Variants in NBAS observed in about 807,000 individuals in gnomAD.
NBAS encodes the protein NBAS subunit of NRZ tethering complex, also known as NAG/BC035112 fusion.
A neutral mutation model predicts 302.5 loss-of-function variants in NBAS; 219 were observed. The ratio of observed to expected loss-of-function variants is 0.72; its 90% CI spans 0.65 to 0.81. The LOEUF is 0.81. NBAS is among the 30% of genes least tolerant of loss of function. The pLI, the probability that NBAS is intolerant of heterozygous loss-of-function variation, is 0.00. For synonymous variants in NBAS, 1,118 were observed against 1,021.6 expected (o/e 1.09, Z -1.80); for missense variants, 2,932 against 2,841.6 (o/e 1.03, Z -0.72).
intron 44 of NBAS, among the ~76,000 whole-genome samples, chr2:15,247,742 A>C (rs1668168714): frequency 6.6e-6 from 1 of 151,252 alleles, no homozygotes; most frequent in Admixed American, 6.6e-5. Context: ...ATAGATCTAT[A>C]TATATTTATA....
chr2:15,374,589 C>A lies in NBAS; in HGVS notation c.3703+19G>T. 1 of 1,583,086 alleles carries A rather than the reference C, an allele frequency of 6.3e-7. No individual in the cohort carries two copies. The highest frequency in any genetic ancestry group is 8.7e-7 in the Non-Finnish European group (1 of 1,152,014). On this transcript the variant is annotated intron_variant, in intron 31 of 51. Coordinates refer to ENST00000281513, the MANE Select transcript of NBAS (RefSeq NM_015909.4). ...GCAATATAAGTTAGTAACAATGCAA[C>A]AGTAAGTAGAAAACTCACCTTGCAA...
the NBAS span, among the ~76,000 whole-genome samples, chr2:14,851,352 C>T: frequency 7.2e-5 from 11 of 151,998 alleles, 1 homozygote; most frequent in East Asian, 2.1e-3. Flanking sequence ...CATTCCTCGA[C>T]ACATACACCC....
At chr2:15,141,171 C>A in the NBAS span, among the ~76,000 whole-genome samples, 1 of 151,876 alleles carries the variant, frequency 6.6e-6, no homozygotes, top group African/African-American at 2.4e-5. Context: ...CTCTTTTTCC[C>A]CCTCTCTCTC....
intron 40 of NBAS, among the ~76,000 whole-genome samples, chr2:15,302,405 A>G (rs756092289): frequency 6.6e-6 from 1 of 152,186 alleles, no homozygotes; most frequent in Non-Finnish European, 1.5e-5. Flanking sequence ...TCCGGTGTTC[A>G]GGCATCATCA....
intron 35 of NBAS, among the ~76,000 whole-genome samples, chr2:15,349,095 A>G (rs1007717612): frequency 6.6e-6 from 1 of 152,204 alleles, no homozygotes; most frequent in Non-Finnish European, 1.5e-5. Flanking sequence ...TGCACAGAAA[A>G]TGGTGATATG....
chr2:15,472,577 T>C (rs146426217), intron 16 of NBAS, among the ~76,000 whole-genome samples: 2 of 152,220 alleles, frequency 1.3e-5, no homozygotes, highest in East Asian at 1.9e-4. Context: ...CTCAGCTCAC[T>C]GGCCCCCCCC....
chr2:14,834,969 C>T, the NBAS span, among the ~76,000 whole-genome samples: 5 of 151,924 alleles, frequency 3.3e-5, no homozygotes, highest in African/African-American at 1.2e-4. Flanking sequence ...AGATTACATA[C>T]AAAGGAAGTG....
rs1558415650 is a variant in NBAS, at chr2:15,181,677, C to T, written c.6712-2561G>A. On this transcript the variant is annotated intron_variant, in intron 50 of 51. Coordinates refer to ENST00000281513, the MANE Select transcript of NBAS (RefSeq NM_015909.4). ...GGTGGGCCCAGGCTTAGAGCCAGGC[C>T]ACAGACCTGGATGTTTCTTTTCCCA... is the stretch of plus-strand genomic sequence containing the variant. Among the ~76,000 whole-genome samples, 4 of 152,178 alleles carry T rather than the reference C, an allele frequency of 2.6e-5. No homozygotes were observed. The South Asian group carries it at 8.3e-4, about 32-fold the overall frequency.
intron 50 of NBAS, chr2:15,179,388 G>T: frequency 2.6e-6 from 1 of 384,148 alleles, no homozygotes. Flanking sequence ...CAGATATAGT[G>T]GTATAATTTA....
chr2:15,025,585 T>C, the NBAS span, among the ~76,000 whole-genome samples: 66,702 of 152,028 alleles, frequency 0.44, 16,154 homozygotes, highest in African/African-American at 0.66. Flanking sequence ...TTGATTCTTC[T>C]TATCCATGAG....
chr2:15,397,606 A>ATTG (rs1675929846), intron 26 of NBAS: 4 of 601,522 alleles, frequency 6.6e-6, no homozygotes, highest in African/African-American at 3.8e-5. Context: ...CATAGGTTTC[A>ATTG]AAGACGCTCG....
At chr2:15,525,352 C>A (rs1351706146) in intron 9 of NBAS, among the ~76,000 whole-genome samples, 1 of 152,112 alleles carries the variant, frequency 6.6e-6, no homozygotes, top group Non-Finnish European at 1.5e-5. Context: ...ATGGTCTGTG[C>A]CCAGTACAGT....
chr2:15,277,240 A>G, intron 42 of NBAS, 139 bp from the exon 43 acceptor site: 1 of 1,052,870 alleles, frequency 9.5e-7, no homozygotes, highest in Non-Finnish European at 1.4e-6. Context: ...CACCACCAGA[A>G]GCCAGTCAGC....
chr2:14,822,876 G>A, the NBAS span, among the ~76,000 whole-genome samples: 193 of 152,274 alleles, frequency 1.3e-3, 1 homozygote, highest in Middle Eastern at 0.014. Context: ...CAGACAATAT[G>A]CTAAATGTAA....
chr2:15,249,766 C>G (rs1383092631), intron 44 of NBAS, among the ~76,000 whole-genome samples: 1 of 151,982 alleles, frequency 6.6e-6, no homozygotes, highest in Non-Finnish European at 1.5e-5. Context: ...TGTGAAGGGC[C>G]TCTTCAAGGA....
chr2:15,470,641 T>A lies in NBAS; in HGVS notation c.1726-2108A>T, dbSNP rs139246611. Among the ~76,000 whole-genome samples, 32 of 152,324 alleles carry A rather than the reference T, an allele frequency of 2.1e-4. 1 individual carries two copies. The East Asian group carries it at 5.8e-3, about 28-fold the overall frequency. ...CTCATTCAAGAAGGCCTAATTTAAA[T>A]CCTTCCAAATCCCTGCTCCAAACAT... is the stretch of plus-strand genomic sequence containing the variant. On this transcript the variant is annotated intron_variant, in intron 16 of 51. Coordinates refer to ENST00000281513, the MANE Select transcript of NBAS (RefSeq NM_015909.4).
At chr2:15,467,925 G>T in intron 17 of NBAS, 121 bp from the exon 18 acceptor site, 1 of 949,314 alleles carries the variant, frequency 1.1e-6, no homozygotes, top group Non-Finnish European at 1.6e-6. Context: ...GAAAGTATTT[G>T]AAAAAAACTT....
intron 6 of NBAS, among the ~76,000 whole-genome samples, chr2:15,550,125 TGCACTCCG>T (rs1195349141): frequency 1.3e-5 from 2 of 152,012 alleles, no homozygotes; most frequent in African/African-American, 4.8e-5. Context: ...ATCACACCAC[TGCACTCCG>T]GCCTGGCAAC....
intron 31 of NBAS, among the ~76,000 whole-genome samples, chr2:15,366,994 G>C (rs891298678): frequency 6.6e-6 from 1 of 152,090 alleles, no homozygotes; most frequent in South Asian, 2.1e-4. Flanking sequence ...AGGACTTAGG[G>C]AAAAATTTAA....
Sources: gnomAD v4.1 joint callset for allele counts (sites outside exome capture counted in the v4.1 genomes callset) on GRCh38, gnomAD v4.1.1 for gene constraint, MANE v1.5 for transcripts, NCBI Gene and HGNC (gene_info 2026-07-23, HGNC 2026-07-21) for gene names.